Variants in TRAF3 observed in about 807,000 individuals in gnomAD.
TRAF3 encodes the protein TNF receptor associated factor 3.
Under a neutral mutation model 62.3 loss-of-function variants are expected in TRAF3, and 13 were observed. That is an observed-to-expected ratio of 0.21 (90% CI 0.14 to 0.33). The LOEUF is 0.33. Among genes scored for constraint, TRAF3 ranks in the 10% least tolerant of loss-of-function variants. The pLI, the probability that TRAF3 is intolerant of heterozygous loss-of-function variation, is 1.00. For missense variants in TRAF3, 440 were observed against 741.8 expected, an observed-to-expected ratio of 0.59 and a Z score of 4.73; for synonymous variants, 269 against 283.4, an observed-to-expected ratio of 0.95 and a Z score of 0.51.
intron 6 of TRAF3, among the ~76,000 whole-genome samples, chr14:102,877,553 C>T (rs1225571882): frequency 6.7e-6 from 1 of 149,910 alleles, no homozygotes; most frequent in African/African-American, 2.5e-5. Context: ...TTCCACAGGA[C>T]TTCTGCTCAG....
chr14:102,794,223 T>C (rs1897951858), intron 1 of TRAF3, among the ~76,000 whole-genome samples: 1 of 152,190 alleles, frequency 6.6e-6, no homozygotes. Flanking sequence ...TTGCCCAGGC[T>C]GAGTACAGTG....
rs1470122314 is a variant in TRAF3, at chr14:102,777,494, C to T, written c.-338C>T. 6 of 143,838 alleles carry T rather than the reference C, an allele frequency of 4.2e-5. No homozygotes were observed. The East Asian group carries it at 6.2e-4, about 15-fold the overall frequency. 8.9% of individuals were successfully genotyped at this position (143,838 alleles called of 1,614,324 possible). ...GAGGGAGCGAGGGAGCGCGGCGCGGCCGCCGCGTGCGCGAGCCGGGGTTGC... is the reference window on the plus strand; with the variant it reads ...GAGGGAGCGAGGGAGCGCGGCGCGGTCGCCGCGTGCGCGAGCCGGGGTTGC... On this transcript the variant is annotated 5_prime_UTR_variant, in exon 1 of 12. Transcript: ENST00000392745.
chr14:102,833,693 T>G (rs1395055468), intron 2 of TRAF3, among the ~76,000 whole-genome samples: 5 of 152,172 alleles, frequency 3.3e-5, no homozygotes, highest in African/African-American at 1.2e-4. Context: ...GTGCTGTCAT[T>G]TAAAAATATT....
intron 1 of TRAF3, among the ~76,000 whole-genome samples, chr14:102,825,457 C>T (rs1412528553): frequency 4.6e-5 from 7 of 152,236 alleles, no homozygotes; most frequent in Admixed American, 6.5e-5. Context: ...CGCCCCTGCC[C>T]GTCTCTTCCC....
intron 1 of TRAF3, among the ~76,000 whole-genome samples, chr14:102,790,188 C>A (rs1055370925): frequency 4.6e-5 from 7 of 152,058 alleles, no homozygotes; most frequent in African/African-American, 1.7e-4. Flanking sequence ...TCAGTTAATT[C>A]TTGTATATGG....
intron 4 of TRAF3, among the ~76,000 whole-genome samples, chr14:102,873,061 C>A (rs998259671): frequency 6.6e-6 from 1 of 152,178 alleles, no homozygotes; most frequent in Non-Finnish European, 1.5e-5. Flanking sequence ...TATACCTAAC[C>A]ATTTTTTAAA....
chr14:102,799,999 T>C (rs927286479), intron 1 of TRAF3, among the ~76,000 whole-genome samples: 14 of 152,140 alleles, frequency 9.2e-5, no homozygotes, highest in South Asian at 6.2e-4. Flanking sequence ...CTAGACTCCT[T>C]TGATGGAAAG....
chr14:102,781,833 C>G (rs927924310), intron 1 of TRAF3, among the ~76,000 whole-genome samples: 3 of 149,534 alleles, frequency 2.0e-5, no homozygotes, highest in Non-Finnish European at 4.4e-5. Flanking sequence ...CACTCTGTCA[C>G]CCAGACTGAA....
In TRAF3 at chr14:102,908,326, TGAG is replaced by T. The variant is rs1890690062; in HGVS notation, c.*2545_*2547del. The T allele has an allele frequency of 6.5e-6, 1 of 152,688 alleles. No individual in the cohort carries two copies. The highest frequency in any genetic ancestry group is 6.5e-5 in the Admixed American group (1 of 15,280). 9.5% of individuals were successfully genotyped at this position (152,688 alleles called of 1,614,324 possible). Reference sequence around the variant, plus strand: ...CTTGAACCTGAGTGATGGGGGTCCTTGAGGATGGGATGGCCTGTGTCACGCGCT... The same window carrying T: ...CTTGAACCTGAGTGATGGGGGTCCTTGATGGGATGGCCTGTGTCACGCGCT... On this transcript the variant is annotated 3_prime_UTR_variant, in exon 12 of 12. Coordinates refer to ENST00000392745, the MANE Select transcript of TRAF3 (RefSeq NM_145725.3).
chr14:102,779,223 T>C (rs2140041043), intron 1 of TRAF3, among the ~76,000 whole-genome samples: 1 of 147,992 alleles, frequency 6.8e-6, no homozygotes, highest in East Asian at 2.0e-4. Context: ...CAGCTGTCAA[T>C]GCAGAAGCCA....
chr14:102,892,387 C>T (rs1160298060), intron 9 of TRAF3, among the ~76,000 whole-genome samples: 1 of 152,194 alleles, frequency 6.6e-6, no homozygotes, highest in East Asian at 1.9e-4. Flanking sequence ...GCCTTCATTG[C>T]AGGCCTATAG....
intron 11 of TRAF3, among the ~76,000 whole-genome samples, 187 bp from the exon 12 acceptor site, chr14:102,905,026 C>T (rs992679378): frequency 1.4e-4 from 21 of 151,662 alleles, no homozygotes; most frequent in Non-Finnish European, 2.8e-4. Context: ...ACAGGAGAAT[C>T]GCTTGAACCT....
chr14:102,853,048 C>G (rs961888683), intron 2 of TRAF3, among the ~76,000 whole-genome samples: 1 of 152,066 alleles, frequency 6.6e-6, no homozygotes, highest in East Asian at 1.9e-4. Flanking sequence ...ACTGCAGGCT[C>G]ACACCACCAC....
At chr14:102,816,265 C>G (rs12434396) in intron 1 of TRAF3, among the ~76,000 whole-genome samples, 78,525 of 151,794 alleles carry the variant, frequency 0.52, 23,140 homozygotes, top group South Asian at 0.74. Context: ...ACCACCCTCG[C>G]CTAATTTTTG....
chr14:102,791,591 G>C (rs971153838), intron 1 of TRAF3, among the ~76,000 whole-genome samples: 2 of 152,094 alleles, frequency 1.3e-5, no homozygotes, highest in African/African-American at 4.8e-5. Flanking sequence ...TGTGGGTTCT[G>C]TGGGATTTCT....
chr14:102,845,980 CAAAAAAAAAAAAAAAAAAAAA>C (rs35353834), intron 2 of TRAF3, among the ~76,000 whole-genome samples: 580 of 56,900 alleles, frequency 0.01, 12 homozygotes, highest in African/African-American at 0.026. Context: ...GACCGTGTCT[CAAAAAAAAAAAAAAAAAAAAA>C]AAAAAAAATA....
At chr14:102,811,728 AGTGTGTGT>A (rs146439927) in intron 1 of TRAF3, among the ~76,000 whole-genome samples, 69,279 of 138,290 alleles carry the variant, frequency 0.5, 19,168 homozygotes, top group South Asian at 0.67. Flanking sequence ...CTACAGCAGT[AGTGTGTGT>A]GTGTGTGTGT....
At chr14:102,863,768 T>C (rs1887814591) in intron 2 of TRAF3, among the ~76,000 whole-genome samples, 1 of 152,260 alleles carries the variant, frequency 6.6e-6, no homozygotes, top group South Asian at 2.1e-4. Context: ...CAAATATGTT[T>C]GTCTGTAAAT....
chr14:102,845,902 C>G (rs993500276), intron 2 of TRAF3, among the ~76,000 whole-genome samples: 2 of 147,348 alleles, frequency 1.4e-5, no homozygotes, highest in African/African-American at 2.5e-5. Context: ...ATCTCTTGAG[C>G]CCAGGAGTTT....
Sources: gnomAD v4.1 joint callset for allele counts (sites outside exome capture counted in the v4.1 genomes callset) on GRCh38, gnomAD v4.1.1 for gene constraint, MANE v1.5 for transcripts, NCBI Gene and HGNC (gene_info 2026-07-23, HGNC 2026-07-21) for gene names.